The following AFTPH variants were observed in gnomAD, a reference collection of about 807,000 sequenced individuals.
AFTPH encodes the protein aftiphilin protein.
A neutral mutation model predicts 72.5 loss-of-function variants in AFTPH; 7 were observed. The ratio of observed to expected loss-of-function variants is 0.10; its 90% CI spans 0.05 to 0.18. The LOEUF (loss-of-function observed/expected upper bound fraction) is 0.18, where lower values mean the gene tolerates loss of function less well. AFTPH is among the 10% of genes least tolerant of loss of function. AFTPH has a pLI of 1.00. For missense variants in AFTPH, 979 were observed against 1,060.5 expected (o/e 0.92, Z 1.07); for synonymous variants, 337 against 370.1 (o/e 0.91, Z 1.03).
intron 1 of AFTPH, among the ~76,000 whole-genome samples, chr2:64,539,395 T>A (rs924506431): frequency 6.6e-6 from 1 of 152,216 alleles, no homozygotes. Flanking sequence ...AGCTTGCATA[T>A]AATGTACTGC....
intron 8 of AFTPH, among the ~76,000 whole-genome samples, chr2:64,586,378 T>C (rs1187912293): frequency 6.6e-6 from 1 of 152,358 alleles, no homozygotes; most frequent in South Asian, 2.1e-4. Context: ...TATAGCTCTT[T>C]CTCCTGAATA....
At chr2:64,553,813 T>C (rs1174200271) in intron 2 of AFTPH, among the ~76,000 whole-genome samples, 2 of 60,010 alleles carry the variant, frequency 3.3e-5, no homozygotes, top group African/African-American at 1.2e-4. Context: ...GATTTGGATC[T>C]TTTTTTTTTT....
chr2:64,567,805 C>A, intron 3 of AFTPH, 92 bp downstream of exon 3: 2 of 1,417,630 alleles, frequency 1.4e-6, no homozygotes, highest in Non-Finnish European at 1.9e-6. Context: ...AAGGTTCAGG[C>A]CAGGCGCAGT....
At chr2:64,561,032 G>A (rs971601241) in intron 2 of AFTPH, among the ~76,000 whole-genome samples, 2 of 152,162 alleles carry the variant, frequency 1.3e-5, no homozygotes, top group African/African-American at 4.8e-5. Flanking sequence ...TTTTTGATAG[G>A]TATGAACTAG....
intron 7 of AFTPH, chr2:64,580,920 T>C: frequency 4.6e-6 from 1 of 217,698 alleles, no homozygotes. Context: ...TTGAAGCAAC[T>C]GAACTCCTAA....
At chr2:64,528,954 A>G (rs191154163) in intron 1 of AFTPH, among the ~76,000 whole-genome samples, 6 of 152,326 alleles carry the variant, frequency 3.9e-5, no homozygotes, top group Middle Eastern at 3.4e-3. Context: ...GAATGTAAGA[A>G]TAGAAGCAGA....
chr2:64,578,183 G>A (rs933160227), intron 6 of AFTPH, among the ~76,000 whole-genome samples: 2 of 151,654 alleles, frequency 1.3e-5, no homozygotes, highest in African/African-American at 4.8e-5. Flanking sequence ...ATAATATCAT[G>A]GAGTTAGACT....
intron 1 of AFTPH, among the ~76,000 whole-genome samples, chr2:64,535,964 G>T (rs1669859942): frequency 6.6e-6 from 1 of 152,234 alleles, no homozygotes. Flanking sequence ...TACAGTAAGA[G>T]ATATTAAGGA....
At chr2:64,581,050 T>C in intron 7 of AFTPH, 140 bp from the exon 8 acceptor site, 1 of 572,058 alleles carries the variant, frequency 1.7e-6, no homozygotes, top group Non-Finnish European at 3.1e-6. Flanking sequence ...TGTTTTAATG[T>C]TGATTTTTAA....
At chr2:64,579,679 T>TTC in intron 7 of AFTPH, 133 bp downstream of exon 7, 1 of 774,710 alleles carries the variant, frequency 1.3e-6, no homozygotes, top group Non-Finnish European at 2.0e-6. Context: ...ATTCAGGCTT[T>TTC]CTTTCTGAAC....
At position 64,524,371 on chromosome 2, in the gene AFTPH, CG is replaced by C; in HGVS notation, c.-272del. On this transcript the variant is annotated 5_prime_UTR_variant, in exon 1 of 9. An upstream open reading frame in the 5' UTR gains an earlier in-frame stop. Transcript: ENST00000238856. ...GTGTGGAGTGGGCGGGGGGTCTCCG[CG>C]GAGGAGGTGGAGGAGGCGGCGGCGG... 1 of 402,528 alleles carries C rather than the reference CG, an allele frequency of 2.5e-6. No homozygotes were observed. The highest frequency in any genetic ancestry group is 4.4e-6 in the Non-Finnish European group (1 of 228,146). 24.9% of individuals were successfully genotyped at this position (402,528 alleles called of 1,614,324 possible).
intron 4 of AFTPH, among the ~76,000 whole-genome samples, 180 bp downstream of exon 4, chr2:64,569,398 A>G (rs1053208627): frequency 1.8e-4 from 28 of 152,218 alleles, no homozygotes; most frequent in Non-Finnish European, 4.4e-5. Context: ...TTTTTCTCTA[A>G]TCAATACTTA....
chr2:64,551,537 G>T, exon 2 of AFTPH: 4 of 1,613,706 alleles, frequency 2.5e-6, no homozygotes, highest in Non-Finnish European at 3.4e-6. Flanking sequence ...ATGGAGCAGA[G>T]GATGATGATG....
At chr2:64,531,188 A>G (rs1357404690) in intron 1 of AFTPH, among the ~76,000 whole-genome samples, 1 of 152,010 alleles carries the variant, frequency 6.6e-6, no homozygotes, top group East Asian at 1.9e-4. Context: ...TTTTACCATC[A>G]TAGAAGAGCA....
At chr2:64,535,502 C>T (rs1669839114) in intron 1 of AFTPH, among the ~76,000 whole-genome samples, 1 of 152,232 alleles carries the variant, frequency 6.6e-6, no homozygotes, top group South Asian at 2.1e-4. Context: ...TTGAGTCCCA[C>T]TTTCCTTACT....
In AFTPH at chr2:64,532,060, T is replaced by A. The variant is rs144109560; in HGVS notation, c.-33+7448T>A. On this transcript the variant is annotated intron_variant, in intron 1 of 8. Transcript: ENST00000238856. ...TTTGATCACAAACTATAACTTACTA[T>A]GGTTCTTATGCTCTGAAAGAAATAT... 1.1e-3 allele frequency among the ~76,000 whole-genome samples: 172 copies of A among 152,322 alleles called. 2 individuals carry two copies. Among genetic ancestry groups the A allele is most frequent in the African/African-American group, 4.0e-3 (166 of 41,584 alleles).
At chr2:64,553,942 T>C (rs991267436) in intron 2 of AFTPH, among the ~76,000 whole-genome samples, 1 of 152,004 alleles carries the variant, frequency 6.6e-6, no homozygotes, top group Non-Finnish European at 1.5e-5. Flanking sequence ...AAGGCTATAG[T>C]GAATTGAAGA....
intron 7 of AFTPH, 110 bp downstream of exon 7, chr2:64,579,656 C>A: frequency 2.1e-6 from 2 of 957,808 alleles, no homozygotes; most frequent in Non-Finnish European, 3.1e-6. Flanking sequence ...ATAACTTATT[C>A]TTATCTTTGG....
chr2:64,576,445 A>G (rs1007026720), intron 6 of AFTPH, among the ~76,000 whole-genome samples: 1 of 152,010 alleles, frequency 6.6e-6, no homozygotes, highest in African/African-American at 2.4e-5. Flanking sequence ...TAACTATTGC[A>G]TCTCTTGTTT....
Sources: allele counts gnomAD v4.1 joint callset (sites outside exome capture counted in the v4.1 genomes callset), GRCh38; gene constraint gnomAD v4.1.1; transcripts MANE v1.5; gene names NCBI Gene and HGNC (gene_info 2026-07-23, HGNC 2026-07-21).